Variants in SCMH1 observed in about 807,000 individuals in gnomAD.
SCMH1 encodes the protein Scm polycomb group protein homolog 1, also known as polycomb protein SCMH1.
In SCMH1, 37 loss-of-function variants were observed where a neutral mutation model predicts 70.8. That is an observed-to-expected ratio of 0.52 (90% CI 0.40 to 0.69). The LOEUF is 0.69. Ranked by LOEUF, SCMH1 falls within the 30% of genes least tolerant of loss-of-function variation. The probability of loss-of-function intolerance (pLI) is 0.00; values close to 1 mark genes in which losing one functional copy is unlikely to be tolerated. For missense variants in SCMH1, 607 were observed against 827.3 expected (o/e 0.73, Z 3.27); for synonymous variants, 292 against 307.4 (o/e 0.95, Z 0.52).
chr1:41,127,099 CTTATT>C (rs1295529877), intron 6 of SCMH1, among the ~76,000 whole-genome samples: 10 of 152,098 alleles, frequency 6.6e-5, no homozygotes, highest in African/African-American at 9.7e-5. Flanking sequence ...TTAATCTGCA[CTTATT>C]TTATTATGAG....
intron 10 of SCMH1, among the ~76,000 whole-genome samples, chr1:41,066,809 T>TG (rs1272138859): frequency 6.6e-6 from 1 of 152,066 alleles, no homozygotes; most frequent in Non-Finnish European, 1.5e-5. Context: ...AGGCTGGTCT[T>TG]GAACTCCTGA....
chr1:41,040,905 A>G (rs893652717), intron 12 of SCMH1, among the ~76,000 whole-genome samples: 19 of 150,542 alleles, frequency 1.3e-4, no homozygotes, highest in East Asian at 1.2e-3. Context: ...ACAAAACAAC[A>G]ACAAAAAAAG....
chr1:41,058,378 GTTTTTTTTTT>G (rs548733204), intron 10 of SCMH1, among the ~76,000 whole-genome samples: 2 of 81,640 alleles, frequency 2.4e-5, no homozygotes, highest in Admixed American at 2.0e-4. Flanking sequence ...TTTCTTTCTT[GTTTTTTTTTT>G]TTTTTTTTTT....
intron 1 of SCMH1, among the ~76,000 whole-genome samples, chr1:41,212,926 A>G (rs1337458441): frequency 6.6e-6 from 1 of 152,216 alleles, no homozygotes; most frequent in African/African-American, 2.4e-5. Flanking sequence ...ACAAGGACTA[A>G]TATAAAGAAC....
chr1:41,142,851 A>G, intron 6 of SCMH1, 27 bp downstream of exon 6: 1 of 1,574,502 alleles, frequency 6.4e-7, no homozygotes, highest in Non-Finnish European at 8.7e-7. Flanking sequence ...ATAATTGGCT[A>G]GAAAGAGTTT....
intron 3 of SCMH1, 130 bp downstream of exon 3, chr1:41,161,234 A>G: frequency 7.1e-7 from 1 of 1,412,074 alleles, no homozygotes; most frequent in Non-Finnish European, 9.6e-7. Context: ...ATACCTCTGT[A>G]AACTGCAATA....
In SCMH1 at chr1:41,125,419, G is replaced by A. The variant is rs1672949080; in HGVS notation, c.413-8409C>T. On this transcript the variant is annotated intron_variant, in intron 6 of 14. Coordinates refer to ENST00000337495, the Ensembl canonical transcript of SCMH1. ...TTTTGTAGGGACAGAGTTTCACCAT[G>A]TTGCCCAGGCTGGTCTCAAACTCCT... 3.3e-5 allele frequency among the ~76,000 whole-genome samples: 5 copies of A among 151,616 alleles called. No individual in the cohort carries two copies. In the South Asian group the frequency reaches 1.0e-3, roughly 32 times the overall value.
At chr1:41,218,777 A>C (rs1005942393) in intron 1 of SCMH1, among the ~76,000 whole-genome samples, 1 of 152,230 alleles carries the variant, frequency 6.6e-6, no homozygotes, top group Non-Finnish European at 1.5e-5. Context: ...AAAAGAAATA[A>C]CTTTCTGTTA....
chr1:41,222,579 G>A (rs528767031), intron 1 of SCMH1, among the ~76,000 whole-genome samples: 2 of 152,210 alleles, frequency 1.3e-5, no homozygotes, highest in East Asian at 3.9e-4. Flanking sequence ...ACAGTGCTAA[G>A]GGGAAGATGG....
chr1:41,169,892 G>A (rs1646671730), intron 2 of SCMH1, among the ~76,000 whole-genome samples: 1 of 152,154 alleles, frequency 6.6e-6, no homozygotes, highest in African/African-American at 2.4e-5. Context: ...GTTTTAGGAT[G>A]TAGACCCTCG....
intron 8 of SCMH1, among the ~76,000 whole-genome samples, chr1:41,102,450 G>C (rs1666860844): frequency 6.6e-6 from 1 of 152,146 alleles, no homozygotes; most frequent in Non-Finnish European, 1.5e-5. Flanking sequence ...AACAGCATGG[G>C]TTGCCTCCTG....
intron 1 of SCMH1, among the ~76,000 whole-genome samples, chr1:41,210,363 A>G (rs578127419): frequency 1.8e-4 from 28 of 152,336 alleles, no homozygotes; most frequent in Admixed American, 1.6e-3. Context: ...AACTACTTTA[A>G]AGTTCGTATG....
intron 1 of SCMH1, among the ~76,000 whole-genome samples, chr1:41,192,400 G>A (rs1651916335): frequency 6.6e-6 from 1 of 151,942 alleles, no homozygotes; most frequent in East Asian, 1.9e-4. Flanking sequence ...ACTTGACCAA[G>A]TTAACTTAGC....
At chr1:41,067,241 G>A (rs544881170) in intron 10 of SCMH1, among the ~76,000 whole-genome samples, 18 of 151,932 alleles carry the variant, frequency 1.2e-4, no homozygotes, top group Non-Finnish European at 2.6e-4. Flanking sequence ...TGAGGAGATC[G>A]AGACCATCCT....
At chr1:41,084,468 C>G (rs1400636471) in intron 8 of SCMH1, among the ~76,000 whole-genome samples, 3 of 152,114 alleles carry the variant, frequency 2.0e-5, no homozygotes, top group African/African-American at 7.2e-5. Flanking sequence ...ATTAAAAAGT[C>G]AGGAAATAAC....
At chr1:41,030,565 A>T (rs1044203803) in intron 13 of SCMH1, among the ~76,000 whole-genome samples, 6 of 152,080 alleles carry the variant, frequency 3.9e-5, no homozygotes, top group Admixed American at 3.3e-4. Context: ...TTTGGTTCTT[A>T]CCTCAAATAT....
At chr1:41,213,245 G>T (rs1253151676) in intron 1 of SCMH1, among the ~76,000 whole-genome samples, 3 of 152,124 alleles carry the variant, frequency 2.0e-5, no homozygotes, top group Non-Finnish European at 4.4e-5. Flanking sequence ...GAATACAGCT[G>T]GTGGGTAAAG....
At chr1:41,122,471 A>C (rs1672188552) in intron 6 of SCMH1, among the ~76,000 whole-genome samples, 1 of 152,190 alleles carries the variant, frequency 6.6e-6, no homozygotes, top group South Asian at 2.1e-4. Flanking sequence ...CTTTTTAAAA[A>C]GTTTAATGTG....
At chr1:41,081,372 G>A (rs1277335766) in intron 8 of SCMH1, among the ~76,000 whole-genome samples, 1 of 152,200 alleles carries the variant, frequency 6.6e-6, no homozygotes, top group Non-Finnish European at 1.5e-5. Context: ...AAAATGTGTG[G>A]TGTATGTATG....
Sources: allele counts gnomAD v4.1 joint callset (sites outside exome capture counted in the v4.1 genomes callset), GRCh38; gene constraint gnomAD v4.1.1; transcripts MANE v1.5; gene names NCBI Gene and HGNC (gene_info 2026-07-23, HGNC 2026-07-21).